INPP5F: variants seen among roughly 807,000 people sequenced by gnomAD.
INPP5F encodes the protein phosphatidylinositide 4-phosphatase SAC2.
INPP5F carries 97 observed loss-of-function variants against 137.2 expected under a neutral mutation model. The ratio of observed to expected loss-of-function variants is 0.71; its 90% CI spans 0.60 to 0.84. The LOEUF (loss-of-function observed/expected upper bound fraction) is 0.84. INPP5F is among the 40% of genes least tolerant of loss of function. INPP5F has a pLI of 0.00. For synonymous variants in INPP5F, 504 were observed against 476.9 expected, an observed-to-expected ratio of 1.06 and a Z score of -0.74; for missense variants, 1,271 against 1,371.9, an observed-to-expected ratio of 0.93 and a Z score of 1.16.
Position 119,791,582 on chromosome 10 carries a change from A to T in INPP5F, c.381A>T (p.Ser127=), listed in dbSNP as rs776807510. The change falls in exon 4 of 20, where the codon TCA becomes TCT. Residue 127 remains serine (S), a synonymous_variant. Coordinates refer to ENST00000650623, the MANE Select transcript of INPP5F (RefSeq NM_014937.4). ...PEKIIPSPDD[S]KFLLKTFTHI... is the part of the protein sequence containing the mutation. ...AGATCATACCATCTCCTGATGACTC[A>T]AAGTTTCTACTGAAGACCTTTACGC... 6.2e-7 allele frequency: 1 copy of T among 1,604,168 alleles called. No homozygotes were observed. The highest frequency in any genetic ancestry group is 8.5e-7 in the Non-Finnish European group (1 of 1,171,640).
chr10:119,761,493 A>G (rs1401252086), intron 2 of INPP5F, among the ~76,000 whole-genome samples: 1 of 151,922 alleles, frequency 6.6e-6, no homozygotes, highest in East Asian at 1.9e-4. Context: ...TTTTCCATTT[A>G]CTTGATGTGT....
Position 119,823,774 on chromosome 10 carries a change from G to T in INPP5F, c.2162-41G>T, listed in dbSNP as rs1326894087. ...TTAGAACTGCTATTTTTTTTAGTATGTTTATGGAGAAATTGGCAGGCAGTT... is the reference window on the plus strand; with the variant it reads ...TTAGAACTGCTATTTTTTTTAGTATTTTTATGGAGAAATTGGCAGGCAGTT... On this transcript the variant is annotated intron_variant, in intron 18 of 19. Transcript: ENST00000650623. The T allele has an allele frequency of 2.0e-6, 3 of 1,494,554 alleles. No individual in the cohort carries two copies. The Admixed American group carries it at 5.2e-5, about 26-fold the overall frequency. The allele number at this position is 1,494,554 out of a possible 1,614,324, so 92.6% of individuals were successfully genotyped here.
chr10:119,765,658 G>A (rs925849713), intron 2 of INPP5F, among the ~76,000 whole-genome samples: 4 of 149,194 alleles, frequency 2.7e-5, no homozygotes, highest in Admixed American at 2.0e-4. Context: ...CTGGGATTAC[G>A]GGTGTGAGCC....
At chr10:119,825,094 A>C (rs1474521384) in intron 19 of INPP5F, among the ~76,000 whole-genome samples, 1 of 152,230 alleles carries the variant, frequency 6.6e-6, no homozygotes, top group Non-Finnish European at 1.5e-5. Context: ...ATGTCAGTGC[A>C]TTGCATGAAC....
chr10:119,800,287 G>A (rs1267669847), intron 9 of INPP5F, among the ~76,000 whole-genome samples: 2 of 151,942 alleles, frequency 1.3e-5, no homozygotes, highest in African/African-American at 4.8e-5. Context: ...TGGGCGTGGT[G>A]GCTCACGCCT....
At chr10:119,821,718 CCCTT>C (rs1219770964) in intron 16 of INPP5F, among the ~76,000 whole-genome samples, 1 of 120,616 alleles carries the variant, frequency 8.3e-6, no homozygotes, top group African/African-American at 3.1e-5. Flanking sequence ...CTCTCTCCCT[CCCTT>C]CATCTCTGCC....
intron 3 of INPP5F, among the ~76,000 whole-genome samples, chr10:119,788,938 T>C (rs753089963): frequency 3.3e-5 from 5 of 152,094 alleles, no homozygotes; most frequent in Non-Finnish European, 7.4e-5. Flanking sequence ...AAAGAATGAT[T>C]TTGTTGGCCG....
chr10:119,732,500 C>CTTTTTTTTTTTTTTTTTTTTTTTTT lies in INPP5F; in HGVS notation c.97+6158_97+6159insTTTTTTTTTTTTTTTTTTTTTTTTT, dbSNP rs59388357. On this transcript the variant is annotated intron_variant, in intron 1 of 19. Transcript: ENST00000650623. Reference sequence around the variant, plus strand: ...TGAGCACTTTTCTTTTTTCTTTTTTCTTTTTTTTTTTTTTTTTGAGACGGA... The same window carrying CTTTTTTTTTTTTTTTTTTTTTTTTT: ...TGAGCACTTTTCTTTTTTCTTTTTTCTTTTTTTTTTTTTTTTTTTTTTTTTTTTTTTTTTTTTTTTTTGAGACGGA... 1.2e-4 allele frequency among the ~76,000 whole-genome samples: 14 copies of CTTTTTTTTTTTTTTTTTTTTTTTTT among 115,560 alleles called. 2 individuals carry two copies. Among genetic ancestry groups the CTTTTTTTTTTTTTTTTTTTTTTTTT allele is most frequent in the South Asian group, 3.0e-4 (1 of 3,364 alleles). 75.8% of individuals were successfully genotyped at this position (115,560 alleles called of 152,430 possible).
chr10:119,726,554 C>T (rs73353994), intron 1 of INPP5F, among the ~76,000 whole-genome samples, 195 bp downstream of exon 1: 1,597 of 152,310 alleles, frequency 0.01, 31 homozygotes, highest in African/African-American at 0.037. Context: ...CAGCGCCGAG[C>T]CCCTACCCCA....
intron 1 of INPP5F, among the ~76,000 whole-genome samples, chr10:119,741,596 G>A (rs571302106): frequency 1.3e-5 from 2 of 152,242 alleles, no homozygotes; most frequent in African/African-American, 2.4e-5. Flanking sequence ...GTGCAGTGGC[G>A]TGATCTTGGC....
chr10:119,777,140 C>T (rs1589703091), intron 2 of INPP5F, among the ~76,000 whole-genome samples: 1 of 152,128 alleles, frequency 6.6e-6, no homozygotes, highest in Non-Finnish European at 1.5e-5. Context: ...AGTGATCCTC[C>T]CTTCTCAGCC....
chr10:119,771,316 C>T (rs1230932853), intron 2 of INPP5F, among the ~76,000 whole-genome samples: 2 of 152,008 alleles, frequency 1.3e-5, no homozygotes, highest in East Asian at 3.9e-4. Flanking sequence ...GAATAATATT[C>T]CCTTGTATAG....
chr10:119,823,025 GT>G lies in INPP5F; in HGVS notation c.2033-44del, dbSNP rs770822178. ...TCTTTTTAAGATAATAGAAGAAAAT[GT>G]TATGTGAAACATTTAACTTTATACG... On this transcript the variant is annotated intron_variant, in intron 17 of 19. Coordinates refer to ENST00000650623, the MANE Select transcript of INPP5F (RefSeq NM_014937.4). 1.8e-5 allele frequency: 27 copies of G among 1,542,400 alleles called. 1 individual carries two copies. The African/African-American group carries it at 3.7e-4, about 21-fold the overall frequency.
In INPP5F at chr10:119,781,620, ACT is replaced by A; in HGVS notation, c.179-11_179-10del. ...TCTAAAAACGCCAGACTTTATTATG[ACT>A]CTCCTCTTTCAGATCTTCCATGGTG... On this transcript the variant is annotated splice_polypyrimidine_tract_variant and intron_variant, in intron 2 of 19. Coordinates refer to ENST00000650623, the MANE Select transcript of INPP5F (RefSeq NM_014937.4). 1.3e-6 allele frequency: 2 copies of A among 1,596,420 alleles called. No individual in the cohort carries two copies. The highest frequency in any genetic ancestry group is 1.1e-5 in the South Asian group (1 of 87,688).
intron 1 of INPP5F, among the ~76,000 whole-genome samples, chr10:119,742,222 C>T (rs971287276): frequency 6.6e-6 from 1 of 151,780 alleles, no homozygotes. Context: ...GTGGCGCGAT[C>T]TCAGCTCACT....
At chr10:119,807,073 C>A (rs1850822368) in intron 12 of INPP5F, among the ~76,000 whole-genome samples, 1 of 151,994 alleles carries the variant, frequency 6.6e-6, no homozygotes, top group Admixed American at 6.6e-5. Flanking sequence ...GAGTTTGAGA[C>A]CAGCCTGGCC....
chr10:119,819,453 T>A (rs758525924), intron 15 of INPP5F: 2 of 1,571,942 alleles, frequency 1.3e-6, no homozygotes, highest in South Asian at 2.4e-5. Flanking sequence ...AGTAACACTG[T>A]AATTAGTAGT....
intron 2 of INPP5F, among the ~76,000 whole-genome samples, chr10:119,771,825 CATACTCCATAA>C (rs2134161242): frequency 8.4e-6 from 1 of 118,872 alleles, no homozygotes; most frequent in East Asian, 2.7e-4. Context: ...GTTTATCATC[CATACTCCATAA>C]AGTATGGAGA....
In INPP5F at chr10:119,726,356, C is replaced by A; in HGVS notation, c.94C>A (p.Pro32Thr). The A allele has an allele frequency of 1.4e-6, 2 of 1,404,950 alleles. No homozygotes were observed. The highest frequency in any genetic ancestry group is 1.5e-5 in the South Asian group (1 of 67,324). The allele number at this position is 1,404,950 out of a possible 1,614,324, so 87.0% of individuals were successfully genotyped here. A position where few individuals can be genotyped will look rare whatever the true frequency, so the allele number is the denominator to read the frequency against. ...CCGCGACGGCGGCCTCCAGCTCCGA[C>A]CCGGTGAGGCTGGCGGTGCGGGCGG... ...SRRDGGLQLR[P>T]ATDLLLAWNP... is the part of the protein sequence containing the mutation. Residue 32 changes from proline (P) to threonine (T), a missense_variant, in exon 1 of 20, where the codon CCC (proline) becomes ACC (threonine). Coordinates refer to ENST00000650623, the MANE Select transcript of INPP5F (RefSeq NM_014937.4).
Sources: allele counts gnomAD v4.1 joint callset (sites outside exome capture counted in the v4.1 genomes callset), GRCh38; gene constraint gnomAD v4.1.1; transcripts MANE v1.5; gene names NCBI Gene and HGNC (gene_info 2026-07-23, HGNC 2026-07-21).